ANK1: variants seen among roughly 807,000 people sequenced by gnomAD.
The protein encoded by ANK1 is ankyrin-1.
ANK1 carries 51 observed loss-of-function variants against 210.4 expected under a neutral mutation model. The ratio of observed to expected loss-of-function variants is 0.24; its 90% CI spans 0.19 to 0.31. The LOEUF (loss-of-function observed/expected upper bound fraction) is 0.31, where lower values mean the gene tolerates loss of function less well. Among genes scored for constraint, ANK1 ranks in the 10% least tolerant of loss-of-function variants. ANK1 has a pLI of 1.00. For missense variants in ANK1, 2,051 were observed against 2,504.4 expected (o/e 0.82, Z 3.86); for synonymous variants, 967 against 1,025.9 (o/e 0.94, Z 1.10).
upstream of ANK1, among the ~76,000 whole-genome samples, chr8:41,800,787 G>A (rs1406591463): frequency 1.3e-5 from 2 of 152,054 alleles, no homozygotes; most frequent in African/African-American, 4.8e-5. Flanking sequence ...GTGCAGTGGC[G>A]TGATCTCGGC....
Position 41,704,390 on chromosome 8 carries a change from A to C in ANK1, c.2180T>G (p.Val727Gly). ...CCCCTGTACCTTGGTCTTGGCATTG[A>C]CATCTGCCTGGTGCTGCAGCAGAAA... ...VKFLLQHQAD[V>G]NAKTKLGYSP... The change falls in exon 19 of 43, where the codon GTC becomes GGC. Residue 727 changes from valine (V) to glycine (G), a missense_variant. This residue lies in a region of ANK1 where 1,413 missense variants were observed against 1,707.4 expected (regional missense o/e 0.83). Transcript: ENST00000289734. This position sits in a 1 kb window ranked among gnomAD's most constrained non-coding sequence, Gnocchi z 4.1. 1 of 1,613,992 alleles carries C rather than the reference A, an allele frequency of 6.2e-7. No individual in the cohort carries two copies. The highest frequency in any genetic ancestry group is 8.5e-7 in the Non-Finnish European group (1 of 1,179,972).
intron 2 of ANK1, among the ~76,000 whole-genome samples, chr8:41,749,497 A>G (rs1473673738): frequency 6.6e-6 from 1 of 151,928 alleles, no homozygotes. Context: ...GAGTTTCACC[A>G]TGTTGGTCAG....
intron 2 of ANK1, among the ~76,000 whole-genome samples, chr8:41,741,165 T>C (rs1414537846): frequency 6.6e-6 from 1 of 152,194 alleles, no homozygotes; most frequent in East Asian, 1.9e-4. Context: ...AGAATAAATG[T>C]TACCACAATT....
chr8:41,827,230 G>A (rs530810409), intron 1 of ANK1, among the ~76,000 whole-genome samples: 87 of 152,322 alleles, frequency 5.7e-4, no homozygotes, highest in African/African-American at 2.0e-3. Context: ...CTGGGAGCCA[G>A]GAATAAATAC....
chr8:41,707,023 C>G (rs1824776929), intron 17 of ANK1, among the ~76,000 whole-genome samples: 2 of 152,196 alleles, frequency 1.3e-5, no homozygotes, highest in Non-Finnish European at 2.9e-5. Context: ...TCACTTGAAC[C>G]TGGGAGGCAG....
intron 2 of ANK1, among the ~76,000 whole-genome samples, chr8:41,755,245 G>A (rs1462714745): frequency 6.6e-6 from 1 of 152,244 alleles, no homozygotes; most frequent in East Asian, 1.9e-4. Flanking sequence ...TCTGAGGAGA[G>A]AAGGCAGAGT....
intron 37 of ANK1, among the ~76,000 whole-genome samples, chr8:41,673,523 C>G (rs992606309): frequency 5.9e-5 from 9 of 152,204 alleles, no homozygotes; most frequent in African/African-American, 2.2e-4. Context: ...CATCACTTTC[C>G]TCAAGTTGCC....
chr8:41,663,112 C>CTG (rs763969947), intron 40 of ANK1, among the ~76,000 whole-genome samples: 1,801 of 129,534 alleles, frequency 0.014, 14 homozygotes, highest in Middle Eastern at 0.029. Flanking sequence ...CTCTCTCTCT[C>CTG]TCTGTGTGTG....
At chr8:41,748,553 TC>T (rs1461001128) in intron 2 of ANK1, among the ~76,000 whole-genome samples, 1 of 152,178 alleles carries the variant, frequency 6.6e-6, no homozygotes. Context: ...TGCAGTCTGT[TC>T]CTTCTCACAG....
chr8:41,896,611 G>C, exon 1 of ANK1: 1 of 1,240,084 alleles, frequency 8.1e-7, no homozygotes, highest in Non-Finnish European at 1.0e-6. Flanking sequence ...CGCCCCGAGG[G>C]CCGGCTGCTG....
chr8:41,692,700 G>C lies in ANK1; in HGVS notation c.3806C>G (p.Thr1269Ser). Reference protein sequence around the residue: ...YCMTDDKVDKTLEQHENFVEV... With the variant: ...YCMTDDKVDKSLEQHENFVEV... ...CACGAAGTTCTCATGCTGCTCCAGGGTCTTGTCCACTTTATCATCTGTCAT... is the reference window on the plus strand; with the variant it reads ...CACGAAGTTCTCATGCTGCTCCAGGCTCTTGTCCACTTTATCATCTGTCAT... Residue 1269 changes from threonine (T) to serine (S), a missense_variant, in exon 31 of 43, where the codon ACC (threonine) becomes AGC (serine). Transcript: ENST00000289734. 6.2e-7 allele frequency: 1 copy of C among 1,613,900 alleles called. No individual in the cohort carries two copies. The highest frequency in any genetic ancestry group is 1.1e-5 in the South Asian group (1 of 91,054).
chr8:41,746,865 C>CT (rs1836285548), intron 2 of ANK1, among the ~76,000 whole-genome samples: 1 of 123,968 alleles, frequency 8.1e-6, no homozygotes, highest in East Asian at 3.1e-4. Context: ...TCTTGGTATT[C>CT]TTTAAAAAAA....
At chr8:41,668,625 C>T (rs1026119179) in intron 38 of ANK1, 61 bp from the exon 39 acceptor site, 108 of 1,524,488 alleles carry the variant, frequency 7.1e-5, no homozygotes, top group Non-Finnish European at 9.1e-5. Context: ...ACCTGGTCAC[C>T]CATCAGTCTC....
chr8:41,834,797 AG>A (rs1486365138), intron 1 of ANK1, among the ~76,000 whole-genome samples: 1 of 152,248 alleles, frequency 6.6e-6, no homozygotes, highest in Non-Finnish European at 1.5e-5. Flanking sequence ...CTGTCTGTCC[AG>A]GGATGAGCAT....
chr8:41,821,322 G>T (rs1804222491), intron 1 of ANK1, among the ~76,000 whole-genome samples: 1 of 152,050 alleles, frequency 6.6e-6, no homozygotes, highest in South Asian at 2.1e-4. Flanking sequence ...TTGCTAAAAA[G>T]GATGGTCTAT....
chr8:41,753,754 C>T (rs1198865962), intron 2 of ANK1, among the ~76,000 whole-genome samples: 1 of 140,606 alleles, frequency 7.1e-6, no homozygotes, highest in Non-Finnish European at 1.6e-5. Context: ...CTGTCTCTGT[C>T]GCTGAGTGTT....
At chr8:41,876,531 T>G (rs1243925149) in intron 1 of ANK1, among the ~76,000 whole-genome samples, 1 of 152,086 alleles carries the variant, frequency 6.6e-6, no homozygotes, top group Non-Finnish European at 1.5e-5. Flanking sequence ...GCTAAGTGAG[T>G]AGTCCCAGGT....
chr8:41,833,443 A>G lies in ANK1; in HGVS notation c.126+62912T>C, dbSNP rs536245715. Among the ~76,000 whole-genome samples, 3 of 152,372 alleles carry G rather than the reference A, an allele frequency of 2.0e-5. No individual in the cohort carries two copies. The South Asian group carries it at 6.2e-4, about 32-fold the overall frequency. The stretch of plus-strand genomic sequence containing the variant: ...CCATTAACAAAGGAAAAATCTGTCC[A>G]GAATTTATATTAAAAGCTCCAGCAG... On this transcript the variant is annotated intron_variant, in intron 1 of 42. Coordinates refer to the ANK1 transcript ENST00000265709.
intron 1 of ANK1, among the ~76,000 whole-genome samples, chr8:41,824,520 CAG>C (rs1484807981): frequency 6.6e-6 from 1 of 152,272 alleles, no homozygotes; most frequent in African/African-American, 2.4e-5. Flanking sequence ...CCTATGGAAA[CAG>C]AAATTCTATT....
Sources: allele counts gnomAD v4.1 joint callset (sites outside exome capture counted in the v4.1 genomes callset), GRCh38; gene constraint gnomAD v4.1.1; regional missense constraint gnomAD v4.1.1; non-coding constraint Gnocchi (gnomAD v3.1); transcripts MANE v1.5; gene names NCBI Gene and HGNC (gene_info 2026-07-23, HGNC 2026-07-21).